GSPT1: variants seen among roughly 807,000 people sequenced by gnomAD.
GSPT1 encodes the protein G1 to S phase transition 1.
Under a neutral mutation model 72.5 loss-of-function variants are expected in GSPT1, and 20 were observed. The ratio of observed to expected loss-of-function variants is 0.28; its 90% CI spans 0.19 to 0.40. GSPT1 has a LOEUF of 0.40. Among genes scored for constraint, GSPT1 ranks in the 10% least tolerant of loss-of-function variants. The pLI, the probability that GSPT1 is intolerant of heterozygous loss-of-function variation, is 1.00. For missense variants in GSPT1, 580 were observed against 811.9 expected (o/e 0.71, Z 3.47); for synonymous variants, 334 against 293.5 (o/e 1.14, Z -1.41).
chr16:11,892,531 A>AAT (rs1567443313), intron 5 of GSPT1, among the ~76,000 whole-genome samples: 5 of 139,940 alleles, frequency 3.6e-5, no homozygotes, highest in African/African-American at 1.4e-4. Context: ...AACAAAAAAA[A>AAT]CAAAAAATAA....
intron 1 of GSPT1, among the ~76,000 whole-genome samples, chr16:11,902,947 G>C (rs2022093): frequency 0.036 from 5,527 of 151,784 alleles, 343 homozygotes; most frequent in African/African-American, 0.13. Context: ...CAACTCCTGA[G>C]CTCAAGCAAT....
intron 14 of GSPT1, among the ~76,000 whole-genome samples, chr16:11,874,018 C>T (rs1489074764): frequency 1.3e-5 from 2 of 152,062 alleles, no homozygotes; most frequent in African/African-American, 2.4e-5. Flanking sequence ...CAAAATCACA[C>T]TAAGTAAAAT....
At chr16:11,875,619 C>T (rs1480441082) in intron 14 of GSPT1, 142 bp downstream of exon 14, 6 of 578,342 alleles carry the variant, frequency 1.0e-5, no homozygotes, top group Non-Finnish European at 1.2e-5. Flanking sequence ...ATACATTCAA[C>T]TCATAAAACA....
At position 11,870,748 on chromosome 16, in the gene GSPT1, A is replaced by G. The variant is rs371449364; in HGVS notation, c.*2371T>C. ...TGTTGCTGGTTAATTTTAGCACTGA[A>G]ATTTCTTTTGAATAATCTAATCTTG... On this transcript the variant is annotated 3_prime_UTR_variant, in exon 15 of 15. Transcript: ENST00000434724. 54 of 152,318 alleles carry G rather than the reference A, an allele frequency of 3.5e-4. No individual in the cohort carries two copies. The highest frequency in any genetic ancestry group is 1.3e-3 in the African/African-American group (54 of 41,570). The allele number at this position is 152,318 out of a possible 1,614,324, so 9.4% of individuals were successfully genotyped here.
intron 1 of GSPT1, among the ~76,000 whole-genome samples, chr16:11,903,621 A>C (rs1482971794): frequency 6.6e-6 from 1 of 152,072 alleles, no homozygotes; most frequent in East Asian, 1.9e-4. Context: ...CGGGAGGTGG[A>C]GGGAGGCTGC....
chr16:11,875,034 C>T (rs868331905), intron 14 of GSPT1, among the ~76,000 whole-genome samples: 1 of 152,152 alleles, frequency 6.6e-6, no homozygotes, highest in Middle Eastern at 3.4e-3. Context: ...TACAAAAATA[C>T]AAAAAATTAG....
At chr16:11,912,333 G>A (rs1462819719) in intron 1 of GSPT1, among the ~76,000 whole-genome samples, 4 of 127,736 alleles carry the variant, frequency 3.1e-5, no homozygotes, top group Admixed American at 1.8e-4. Context: ...GGGCAACAGA[G>A]CAAGACTCCG....
chr16:11,901,375 C>G (rs2054403998), intron 1 of GSPT1, among the ~76,000 whole-genome samples: 1 of 152,122 alleles, frequency 6.6e-6, no homozygotes. Context: ...ACATGGTTCA[C>G]AGCTGCTAGT....
intron 5 of GSPT1, among the ~76,000 whole-genome samples, chr16:11,892,524 A>AATAAAAAAT (rs1567443281): frequency 1.1e-4 from 14 of 126,718 alleles, no homozygotes; most frequent in Admixed American, 4.7e-4. Context: ...CAAAAAAAAC[A>AATAAAAAAT]AAAAAAACAA....
At chr16:11,899,279 G>A (rs1205755179) in intron 1 of GSPT1, among the ~76,000 whole-genome samples, 4 of 152,108 alleles carry the variant, frequency 2.6e-5, no homozygotes, top group Non-Finnish European at 5.9e-5. Context: ...ATCAAATGTT[G>A]AGTAAAGTAA....
chr16:11,886,802 G>C lies in GSPT1; in HGVS notation c.1087C>G (p.Pro363Ala), dbSNP rs2054191266. Residue 363 changes from proline (P) to alanine (A), a missense_variant, in exon 8 of 15, where the codon CCA becomes GCA. Physicochemically the swap from Pro to Ala is conservative, Grantham distance 27. Around this residue, in one of 6 missense-constraint regions of GSPT1, gnomAD observed 34 missense variants for 62.0 expected, o/e 0.55. Transcript: ENST00000434724. Reference sequence around the variant, plus strand: ...CTCTCATTGCTCCAATTTACTGTTGGATCATCCATCTTATTAATTAGCACA... The same window carrying C: ...CTCTCATTGCTCCAATTTACTGTTGCATCATCCATCTTATTAATTAGCACA... ...LIVLINKMDD[P>A]TVNWSNERYE... is the part of the protein sequence containing the mutation. 6.2e-7 allele frequency: 1 copy of C among 1,613,490 alleles called. No individual in the cohort carries two copies. The highest frequency in any genetic ancestry group is 8.5e-7 in the Non-Finnish European group (1 of 1,179,526).
chr16:11,873,678 T>C (rs1358178706), intron 14 of GSPT1, among the ~76,000 whole-genome samples: 1 of 151,908 alleles, frequency 6.6e-6, no homozygotes, highest in Non-Finnish European at 1.5e-5. Flanking sequence ...ACCTCCTCCT[T>C]CTGGGTTCAA....
Position 11,870,967 on chromosome 16 carries a change from G to C in GSPT1, c.*2152C>G, listed in dbSNP as rs1197200797. 2.0e-5 allele frequency: 3 copies of C among 152,264 alleles called. No individual in the cohort carries two copies. The highest frequency in any genetic ancestry group is 6.5e-5 in the Admixed American group (1 of 15,296). The allele number at this position is 152,264 out of a possible 1,614,324, so 9.4% of individuals were successfully genotyped here. ...ATTTTTTAAAAATGTGTTCTATTTA[G>C]AAAGGGAACTCTTATCTCTGGAAGT... On this transcript the variant is annotated 3_prime_UTR_variant, in exon 15 of 15. Transcript: ENST00000434724.
Position 11,877,985 on chromosome 16 carries a change from C to T in GSPT1, c.1429-405G>A, listed in dbSNP as rs887315065. Among the ~76,000 whole-genome samples the T allele has an allele frequency of 8.5e-5, 13 of 152,170 alleles. No homozygotes were observed. Among genetic ancestry groups the T allele is most frequent in the African/African-American group, 2.9e-4 (12 of 41,518 alleles). ...CTATTACCTATCAATCTCCAAATAT[C>T]GGAATTATGCACTACTTAAAAATTA... On this transcript the variant is annotated intron_variant, in intron 11 of 14. Coordinates refer to ENST00000434724, the MANE Select transcript of GSPT1 (RefSeq NM_002094.4). The surrounding 1 kb of genome is among the most constrained non-coding windows in gnomAD (Gnocchi z 4.0).
chr16:11,915,670 GCTC>G lies in GSPT1; in HGVS notation c.48_50del (p.Ser19del), dbSNP rs1180484922. On this transcript the variant is annotated inframe_deletion, in exon 1 of 15. Coordinates refer to ENST00000434724, the MANE Select transcript of GSPT1 (RefSeq NM_002094.4). ...AGTCGCTGCTGCTGCTGCCGCTGCT[GCTC>G]CCGCCGCCGCCGCCGCCGCCGCCGC... is the stretch of plus-strand genomic sequence containing the variant. The G allele has an allele frequency of 4.8e-6, 7 of 1,468,974 alleles. No homozygotes were observed. The highest frequency in any genetic ancestry group is 6.3e-6 in the Non-Finnish European group (7 of 1,110,724). 91.0% of individuals were successfully genotyped at this position (1,468,974 alleles called of 1,614,324 possible).
At position 11,915,546 on chromosome 16, in the gene GSPT1, C is replaced by G; in HGVS notation, c.175G>C (p.Glu59Gln). The change falls in exon 1 of 15, where the codon GAG (glutamate) becomes CAG (glutamine). Residue 59 changes from glutamate to glutamine, a missense_variant. Glu to Gln is a conservative substitution (Grantham distance 29). Transcript: ENST00000434724. ...CGGCTGAAGGCCGCGCTGAGGTTCT[C>G]CCGCTGGGCCTCGGCCGCCGCCGCC... ...SLAAAAEAQR[E>Q]NLSAAFSRQL... 1.3e-6 allele frequency: 2 copies of G among 1,500,868 alleles called. No individual in the cohort carries two copies. The highest frequency in any genetic ancestry group is 1.8e-6 in the Non-Finnish European group (2 of 1,125,206). The allele number at this position is 1,500,868 out of a possible 1,614,324, so 93.0% of individuals were successfully genotyped here.
At chr16:11,906,869 C>A (rs2054496707) in intron 1 of GSPT1, among the ~76,000 whole-genome samples, 1 of 152,078 alleles carries the variant, frequency 6.6e-6, no homozygotes, top group Non-Finnish European at 1.5e-5. Context: ...CCTCCAACAA[C>A]AAAGAACGAT....
chr16:11,912,873 CTTAA>C (rs2054577931), intron 1 of GSPT1, among the ~76,000 whole-genome samples: 1 of 152,148 alleles, frequency 6.6e-6, no homozygotes, highest in Non-Finnish European at 1.5e-5. Context: ...ATGGGTTCCA[CTTAA>C]TTATTTCTTA....
At position 11,894,945 on chromosome 16, in the gene GSPT1, CAG is replaced by C. The variant is rs758362978; in HGVS notation, c.698+7_698+8del. 11 of 1,535,418 alleles carry C rather than the reference CAG, an allele frequency of 7.2e-6. No individual in the cohort carries two copies. The African/African-American group carries it at 1.5e-4, about 21-fold the overall frequency. ...TAACTCTGTTATTTAACAAAAGATA[CAG>C]ACTTACATTATTTGTCCTCCAATGG... is the stretch of plus-strand genomic sequence containing the variant. On this transcript the variant is annotated splice_region_variant and intron_variant, in intron 5 of 14. Coordinates refer to ENST00000434724, the MANE Select transcript of GSPT1 (RefSeq NM_002094.4).
Sources: gnomAD v4.1 joint callset for allele counts (sites outside exome capture counted in the v4.1 genomes callset) on GRCh38, gnomAD v4.1.1 for gene constraint, gnomAD v4.1.1 regional missense constraint, Gnocchi (gnomAD v3.1) non-coding constraint, MANE v1.5 for transcripts, NCBI Gene and HGNC (gene_info 2026-07-23, HGNC 2026-07-21) for gene names.